USP33: variants seen among roughly 807,000 people sequenced by gnomAD.
The protein encoded by USP33 is ubiquitin carboxyl-terminal hydrolase 33.
A neutral mutation model predicts 124.2 loss-of-function variants in USP33; 46 were observed. The observed-to-expected ratio is 0.37, with a 90% CI of 0.29 to 0.47. USP33 has a LOEUF of 0.47. Among genes scored for constraint, USP33 ranks in the 20% least tolerant of loss-of-function variants. USP33 has a pLI of 0.99. For synonymous variants in USP33, 350 were observed against 352.3 expected, an observed-to-expected ratio of 0.99 and a Z score of 0.07; for missense variants, 851 against 1,070.6, an observed-to-expected ratio of 0.79 and a Z score of 2.86.
At chr1:77,743,056 C>A (rs1238408837) in intron 1 of USP33, among the ~76,000 whole-genome samples, 1 of 152,058 alleles carries the variant, frequency 6.6e-6, no homozygotes, top group Non-Finnish European at 1.5e-5. Flanking sequence ...GATTCTCCTG[C>A]CTCAGCCTCC....
intron 18 of USP33, 76 bp from the exon 19 acceptor site, chr1:77,714,859 A>T (rs193166279): frequency 2.4e-5 from 35 of 1,441,936 alleles, no homozygotes; most frequent in South Asian, 1.9e-4. Context: ...TCTTCTTATT[A>T]GACTTAACAC....
intron 1 of USP33, among the ~76,000 whole-genome samples, chr1:77,754,716 T>G (rs1680644334): frequency 6.6e-6 from 1 of 152,226 alleles, no homozygotes; most frequent in Admixed American, 6.5e-5. Flanking sequence ...AAAATCTGTC[T>G]CATTGATCCT....
Position 77,723,417 on chromosome 1 carries a change from T to G in USP33, c.1303A>C (p.Lys435Gln), listed in dbSNP as rs1676799799. ...KAQSASPKRK[K>Q]QHKKYRSVIS... ...ACACTTCTGTATTTCTTGTGCTGTTTTTTTCTCTTTGGAGATGCAGACTGA... is the reference window on the plus strand; with the variant it reads ...ACACTTCTGTATTTCTTGTGCTGTTGTTTTCTCTTTGGAGATGCAGACTGA... The change falls in exon 12 of 24, where the codon AAA (lysine) becomes CAA (glutamine). Residue 435 changes from lysine to glutamine, a missense_variant. By Grantham distance (53) the Lys-to-Gln change is moderately conservative. Transcript: ENST00000370794. The G allele has an allele frequency of 6.2e-7, 1 of 1,612,688 alleles. No individual in the cohort carries two copies. Among genetic ancestry groups the G allele is most frequent in the African/African-American group, 1.3e-5 (1 of 74,898 alleles).
At position 77,696,258 on chromosome 1, in the gene USP33, G is replaced by A. The variant is rs1480169961; in HGVS notation, c.*1059C>T. ...CCTCAGCTTTATCAACAATCGTAGT[G>A]ACACATTCCACACTTCATGCTCTCA... On this transcript the variant is annotated 3_prime_UTR_variant, in exon 24 of 24. Coordinates refer to ENST00000370794, the MANE Select transcript of USP33 (RefSeq NM_201624.3). The A allele has an allele frequency of 6.6e-6, 1 of 152,544 alleles. No individual in the cohort carries two copies. The highest frequency in any genetic ancestry group is 2.4e-5 in the African/African-American group (1 of 41,416). The allele number at this position is 152,544 out of a possible 1,614,324, so 9.4% of individuals were successfully genotyped here.
chr1:77,697,515 T>C (rs532175910), intron 23 of USP33, 41 bp from the exon 24 acceptor site: 431 of 1,552,946 alleles, frequency 2.8e-4, no homozygotes, highest in Non-Finnish European at 3.6e-4. Context: ...CAAACCTATA[T>C]ATTCATATTG....
In USP33 at chr1:77,755,096, AT is replaced by A. The variant is rs747034663; in HGVS notation, c.-52+4546del. On this transcript the variant is annotated intron_variant, in intron 1 of 23. Transcript: ENST00000370794. ...CAGAGTCTCAAATAAGCTGATGATA[AT>A]TTTCACTCTAAGTCTCACTTTTGAG... is the stretch of plus-strand genomic sequence containing the variant. 2.8e-4 allele frequency among the ~76,000 whole-genome samples: 42 copies of A among 152,322 alleles called. 1 individual carries two copies. Among genetic ancestry groups the A allele is most frequent in the Admixed American group, 2.1e-3 (32 of 15,302 alleles).
intron 22 of USP33, among the ~76,000 whole-genome samples, chr1:77,700,418 A>C (rs577405575): frequency 1.4e-4 from 21 of 152,270 alleles, no homozygotes; most frequent in African/African-American, 5.1e-4. Flanking sequence ...CAACACTGTG[A>C]GACCATGTCT....
chr1:77,705,927 G>A (rs1334214924), intron 21 of USP33, among the ~76,000 whole-genome samples: 1 of 152,084 alleles, frequency 6.6e-6, no homozygotes, highest in Non-Finnish European at 1.5e-5. Context: ...TCTTTTGTAT[G>A]TCTTACACTT....
At chr1:77,727,923 A>G (rs1199298810) in intron 10 of USP33, among the ~76,000 whole-genome samples, 2 of 152,326 alleles carry the variant, frequency 1.3e-5, no homozygotes, top group South Asian at 2.1e-4. Context: ...AATGACAACA[A>G]TCTAAATCTA....
chr1:77,718,817 T>C (rs942790309), intron 15 of USP33, 176 bp from the exon 16 acceptor site: 11 of 520,422 alleles, frequency 2.1e-5, no homozygotes, highest in South Asian at 1.2e-4. Flanking sequence ...TAGTCCCAGA[T>C]ACTCAGGAGG....
At chr1:77,750,415 T>C (rs1308322666) in intron 1 of USP33, among the ~76,000 whole-genome samples, 2 of 151,240 alleles carry the variant, frequency 1.3e-5, no homozygotes, top group East Asian at 3.9e-4. Context: ...GGAAGATCAT[T>C]TGAGCTGACG....
intron 4 of USP33, 142 bp downstream of exon 4, chr1:77,740,735 T>A (rs776229896): frequency 1.1e-5 from 7 of 654,608 alleles, no homozygotes; most frequent in Admixed American, 8.8e-5. Context: ...CCCTTCCCCA[T>A]CCTTCACAGA....
chr1:77,713,187 T>A lies in USP33; in HGVS notation c.2297+13A>T, dbSNP rs182750880. On this transcript the variant is annotated intron_variant, in intron 20 of 23. Transcript: ENST00000370794. ...CTTTCACAACACTGTATGGTCTGAT[T>A]TAAAAAACAAACCTGCTATATAGGT... The A allele has an allele frequency of 3.1e-6, 5 of 1,597,842 alleles. No homozygotes were observed. The highest frequency in any genetic ancestry group is 4.3e-6 in the Non-Finnish European group (5 of 1,175,164).
chr1:77,737,147 A>G (rs1678565015), intron 5 of USP33, among the ~76,000 whole-genome samples: 1 of 152,230 alleles, frequency 6.6e-6, no homozygotes, highest in South Asian at 2.1e-4. Flanking sequence ...AGATTGAACT[A>G]CAATGAACCA....
At chr1:77,736,300 G>A in intron 5 of USP33, 142 bp from the exon 6 acceptor site, 1 of 505,476 alleles carries the variant, frequency 2.0e-6, no homozygotes, top group Non-Finnish European at 3.3e-6. Flanking sequence ...TGTGGTATTA[G>A]CAATTAAACT....
chr1:77,703,990 A>T (rs1267079560), intron 21 of USP33, among the ~76,000 whole-genome samples: 1 of 152,044 alleles, frequency 6.6e-6, no homozygotes, highest in African/African-American at 2.4e-5. Flanking sequence ...GCACACGCCT[A>T]TAGTCTCAGC....
chr1:77,737,286 GATTTT>G (rs916797771), intron 5 of USP33, among the ~76,000 whole-genome samples: 7 of 152,150 alleles, frequency 4.6e-5, no homozygotes, highest in Non-Finnish European at 1.0e-4. Context: ...AATTCCCAAC[GATTTT>G]ACTTTCCTGA....
At chr1:77,729,347 CATA>C (rs1677527272) in intron 9 of USP33, among the ~76,000 whole-genome samples, 1 of 122,782 alleles carries the variant, frequency 8.1e-6, no homozygotes, top group African/African-American at 3.1e-5. Flanking sequence ...GCCAGGGCAA[CATA>C]ATGAGACATT....
intron 22 of USP33, among the ~76,000 whole-genome samples, chr1:77,698,976 C>A (rs1557805438): frequency 6.6e-6 from 1 of 152,052 alleles, no homozygotes; most frequent in Non-Finnish European, 1.5e-5. Context: ...TAAATACATT[C>A]TTTTTAAAAT....
Sources: allele counts gnomAD v4.1 joint callset (sites outside exome capture counted in the v4.1 genomes callset), GRCh38; gene constraint gnomAD v4.1.1; transcripts MANE v1.5; gene names NCBI Gene and HGNC (gene_info 2026-07-23, HGNC 2026-07-21).